The following COX15 variants were observed in gnomAD, a reference collection of about 807,000 sequenced individuals.
COX15 encodes cytochrome c oxidase assembly factor COX15.
Under a neutral mutation model 51.9 loss-of-function variants are expected in COX15, and 51 were observed. That is an observed-to-expected ratio of 0.98 (90% CI 0.78 to 1.24). The LOEUF is 1.24. Ranked by LOEUF, COX15 falls within the 50% of genes most tolerant of loss-of-function variation. The probability of loss-of-function intolerance (pLI) is 0.00; values close to 1 mark genes in which losing one functional copy is unlikely to be tolerated. For missense variants in COX15, 420 were observed against 501.1 expected (o/e 0.84, Z 1.55); for synonymous variants, 188 against 190.5 (o/e 0.99, Z 0.11).
At chr10:99,701,405 AGCC>A in the COX15 span, among the ~76,000 whole-genome samples, 1 of 151,440 alleles carries the variant, frequency 6.6e-6, no homozygotes, top group Non-Finnish European at 1.5e-5. Context: ...CTCCTGCCTC[AGCC>A]CCCCAAGTAG....
At chr10:99,705,515 G>A in the COX15 span, 1 of 152,150 alleles carries the variant, frequency 6.6e-6, no homozygotes, top group Non-Finnish European at 1.5e-5. Flanking sequence ...CTGATTTTAG[G>A]TCACTGTTCC....
At chr10:99,702,659 AT>A in the COX15 span, 1 of 1,611,350 alleles carries the variant, frequency 6.2e-7, no homozygotes, top group East Asian at 2.2e-5. Context: ...ATAAAACACG[AT>A]TCTTACCACT....
chr10:99,695,862 C>T, the COX15 span: 1 of 1,170,468 alleles, frequency 8.5e-7, no homozygotes, highest in Non-Finnish European at 1.2e-6. Context: ...AAAGAGTAGT[C>T]ATAGAAATGA....
At chr10:99,731,868 G>A (rs913036005) in intron 1 of COX15, 92 bp downstream of exon 1, 2 of 1,513,862 alleles carry the variant, frequency 1.3e-6, no homozygotes, top group Non-Finnish European at 1.8e-6. Context: ...AAGGAGCTCC[G>A]GAAACGTGAT....
chr10:99,718,616 A>G (rs1450361276), intron 6 of COX15, 116 bp from the exon 7 acceptor site: 2 of 1,030,248 alleles, frequency 1.9e-6, no homozygotes, highest in East Asian at 4.8e-5. Context: ...CAGTCAGAGA[A>G]TAATAGACAT....
intron 6 of COX15, among the ~76,000 whole-genome samples, chr10:99,719,401 C>G (rs1037447723): frequency 1.3e-5 from 2 of 152,044 alleles, no homozygotes; most frequent in African/African-American, 4.8e-5. Context: ...ACCACGTTGA[C>G]CAGGCTGGTC....
the COX15 span, chr10:99,704,347 G>T: frequency 9.0e-7 from 1 of 1,109,178 alleles, no homozygotes; most frequent in Non-Finnish European, 1.3e-6. Flanking sequence ...ATGTTTATGT[G>T]GATGGAATAA....
At chr10:99,722,727 G>T (rs956304824) in intron 5 of COX15, among the ~76,000 whole-genome samples, 1 of 151,972 alleles carries the variant, frequency 6.6e-6, no homozygotes. Flanking sequence ...CCAGCTACTC[G>T]GGAGGCTGAG....
At chr10:99,699,598 T>C in the COX15 span, among the ~76,000 whole-genome samples, 1 of 152,194 alleles carries the variant, frequency 6.6e-6, no homozygotes, top group African/African-American at 2.4e-5. Context: ...GGGGTCTCGC[T>C]CTGTAGCCCA....
At chr10:99,709,378 CA>C, downstream of COX15, 1 of 985,390 alleles carries the variant, frequency 1.0e-6, no homozygotes, top group Non-Finnish European at 1.2e-6. Flanking sequence ...GCAGATGTTT[CA>C]AATTCTCCCA....
At chr10:99,725,289 C>T (rs958599625) in intron 4 of COX15, among the ~76,000 whole-genome samples, 2 of 152,116 alleles carry the variant, frequency 1.3e-5, no homozygotes, top group East Asian at 3.8e-4. Context: ...CCTGGATATT[C>T]TAATTACCTT....
intron 7 of COX15, among the ~76,000 whole-genome samples, chr10:99,717,966 G>A (rs1029671347): frequency 2.0e-5 from 3 of 152,166 alleles, no homozygotes; most frequent in Non-Finnish European, 1.5e-5. Flanking sequence ...GTTTAGCTCC[G>A]AGAGCTACGT....
chr10:99,697,054 A>AT, the COX15 span, among the ~76,000 whole-genome samples: 1 of 152,358 alleles, frequency 6.6e-6, no homozygotes, highest in Admixed American at 6.5e-5. Flanking sequence ...AAGTACTGGT[A>AT]TACCCCGTTT....
rs759500201 is a variant in COX15, at chr10:99,727,574, G to A, written c.273-11C>T. 2 of 1,612,924 alleles carry A rather than the reference G, an allele frequency of 1.2e-6. No individual in the cohort carries two copies. Among genetic ancestry groups the A allele is most frequent in the Admixed American group, 1.7e-5 (1 of 60,002 alleles). ...CCAGACTCTGTCAACCTTAGGATAG[G>A]AAAGAAATTTTGGGGTGTATGCGTG... is the stretch of plus-strand genomic sequence containing the variant. On this transcript the variant is annotated splice_polypyrimidine_tract_variant and intron_variant, in intron 2 of 8. Coordinates refer to ENST00000016171, the MANE Select transcript of COX15 (RefSeq NM_078470.6).
downstream of COX15, chr10:99,709,631 C>G (rs537873907): frequency 2.0e-6 from 2 of 985,358 alleles, no homozygotes; most frequent in East Asian, 1.1e-4. Context: ...TCTCTCATAA[C>G]CTGGATCTAA....
chr10:99,707,290 C>G (rs2036272313), downstream of COX15, among the ~76,000 whole-genome samples: 1 of 152,142 alleles, frequency 6.6e-6, no homozygotes, highest in South Asian at 2.1e-4. Flanking sequence ...TGTCATATCC[C>G]TCAGAAGAAC....
chr10:99,705,175 G>A, the COX15 span: 1 of 161,056 alleles, frequency 6.2e-6, no homozygotes, highest in Non-Finnish European at 1.4e-5. Context: ...CAAGATCTTT[G>A]CAGTTCAATC....
chr10:99,705,852 C>T, the COX15 span: 1 of 152,166 alleles, frequency 6.6e-6, no homozygotes, highest in Admixed American at 6.5e-5. Context: ...ATTAATGAAG[C>T]GAGAGGAAAA....
chr10:99,713,180 T>C lies in COX15; in HGVS notation c.*1407A>G. The stretch of plus-strand genomic sequence containing the variant: ...TTTCTGTTATCATATAATAACAACA[T>C]GAATACTACTTGGTTCATATTGAAC... On this transcript the variant is annotated 3_prime_UTR_variant, in exon 9 of 9. Coordinates refer to ENST00000016171, the MANE Select transcript of COX15 (RefSeq NM_078470.6). 7.3e-7 allele frequency: 1 copy of C among 1,370,618 alleles called. No homozygotes were observed. The highest frequency in any genetic ancestry group is 9.5e-7 in the Non-Finnish European group (1 of 1,054,660). The allele number at this position is 1,370,618 out of a possible 1,614,324, so 84.9% of individuals were successfully genotyped here. A position where few individuals can be genotyped will look rare whatever the true frequency, so the allele number is the denominator to read the frequency against.
Sources: gnomAD v4.1 joint callset for allele counts (sites outside exome capture counted in the v4.1 genomes callset) on GRCh38, gnomAD v4.1.1 for gene constraint, MANE v1.5 for transcripts, NCBI Gene and HGNC (gene_info 2026-07-23, HGNC 2026-07-21) for gene names.